Variants in SEC31B observed in about 807,000 individuals in gnomAD.
SEC31B encodes SEC31 homolog B, COPII component, also known as protein transport protein Sec31B.
In SEC31B, 113 loss-of-function variants were observed where a neutral mutation model predicts 135.0. That is an observed-to-expected ratio of 0.84 (90% CI 0.72 to 0.98). SEC31B has a LOEUF of 0.98. SEC31B is among the 50% of genes least tolerant of loss of function. The pLI is 0.00. For missense variants in SEC31B, 1,296 were observed against 1,421.1 expected (o/e 0.91, Z 1.42); for synonymous variants, 508 against 549.4 (o/e 0.92, Z 1.05).
chr10:100,511,316 G>A (rs1166916969), intron 3 of SEC31B, among the ~76,000 whole-genome samples: 2 of 152,270 alleles, frequency 1.3e-5, no homozygotes, highest in Non-Finnish European at 2.9e-5. Flanking sequence ...CACCTAGGTG[G>A]AGTTAAGTGA....
intron 20 of SEC31B, 139 bp downstream of exon 20, chr10:100,490,567 G>A: frequency 1.1e-6 from 1 of 941,834 alleles, no homozygotes; most frequent in Non-Finnish European, 1.5e-6. Flanking sequence ...GCCAGTGATA[G>A]CATTAGGAAT....
intron 11 of SEC31B, chr10:100,501,599 A>C (rs1018000968): frequency 3.9e-5 from 6 of 152,298 alleles, no homozygotes; most frequent in African/African-American, 1.4e-4. Context: ...CTTTCTTCTA[A>C]ACAATTCCAA....
In SEC31B at chr10:100,502,247, T is replaced by C. The variant is rs776850455; in HGVS notation, c.1410+7A>G. ...ACTTCTGAGCAGCTAGCCTTCAGGCTTCCCACCTTCAGGAACTGCCACAGC... is the reference window on the plus strand; with the variant it reads ...ACTTCTGAGCAGCTAGCCTTCAGGCCTCCCACCTTCAGGAACTGCCACAGC... On this transcript the variant is annotated splice_region_variant and intron_variant, in intron 11 of 25. Transcript: ENST00000370345. The C allele has an allele frequency of 1.9e-6, 3 of 1,611,672 alleles. No homozygotes were observed. Among genetic ancestry groups the C allele is most frequent in the South Asian group, 2.2e-5 (2 of 90,934 alleles).
At chr10:100,493,224 T>C (rs992100278) in intron 19 of SEC31B, among the ~76,000 whole-genome samples, 2 of 151,884 alleles carry the variant, frequency 1.3e-5, no homozygotes, top group Middle Eastern at 3.4e-3. Flanking sequence ...ATACAAAAAA[T>C]TATCCGGGCG....
intron 5 of SEC31B, among the ~76,000 whole-genome samples, 172 bp from the exon 6 acceptor site, chr10:100,508,223 T>C (rs1235239126): frequency 6.6e-6 from 1 of 152,184 alleles, no homozygotes; most frequent in African/African-American, 2.4e-5. Flanking sequence ...GAGGATCCTT[T>C]AGGGTATCAG....
At chr10:100,495,150 T>A in intron 19 of SEC31B, 1 of 486,104 alleles carries the variant, frequency 2.1e-6, no homozygotes, top group Non-Finnish European at 3.7e-6. Flanking sequence ...TTTACATATC[T>A]ATCTTTCGAC....
chr10:100,502,223 C>A, intron 11 of SEC31B, 31 bp downstream of exon 11: 2 of 1,576,452 alleles, frequency 1.3e-6, no homozygotes, highest in African/African-American at 1.3e-5. Flanking sequence ...TGGGGAGACA[C>A]TTCTGAGCAG....
chr10:100,519,794 C>T lies in SEC31B; in HGVS notation c.-58G>A, dbSNP rs1192571381. 6.6e-6 allele frequency: 1 copy of T among 152,286 alleles called. No individual in the cohort carries two copies. Among genetic ancestry groups the T allele is most frequent in the African/African-American group, 2.4e-5 (1 of 41,458 alleles). 9.4% of individuals were successfully genotyped at this position (152,286 alleles called of 1,614,324 possible). A position where few individuals can be genotyped will look rare whatever the true frequency, so the allele number is the denominator to read the frequency against. ...GGGGCGAACCAACCTGTGCGGAAGA[C>T]CCCGGACAAGGGTCAGGCGCGGCGG... On this transcript the variant is annotated 5_prime_UTR_variant, in exon 1 of 26. Transcript: ENST00000370345.
intron 25 of SEC31B, 70 bp downstream of exon 25, chr10:100,487,957 C>G: frequency 6.4e-7 from 1 of 1,559,478 alleles, no homozygotes; most frequent in Non-Finnish European, 8.8e-7. Flanking sequence ...AGAAAAGACA[C>G]TGGGCTTCCT....
At chr10:100,516,760 C>T in intron 2 of SEC31B, 114 bp downstream of exon 2, 2 of 796,196 alleles carry the variant, frequency 2.5e-6, no homozygotes, top group East Asian at 2.8e-5. Context: ...GTGAGCCACC[C>T]TATCTTTCTA....
rs1370193724 is a variant in SEC31B at position 100,508,797 on chromosome 10, G to A, written c.495+210C>T. 3.6e-5 allele frequency: 21 copies of A among 584,614 alleles called. No individual in the cohort carries two copies. In the Admixed American group the frequency reaches 3.9e-4, roughly 11 times the overall value. 36.2% of individuals were successfully genotyped at this position (584,614 alleles called of 1,614,324 possible). ...CCCAGAAACTCTTAGAACGAGTAAT[G>A]AGCACAAACCAACTACCCCATATAC... On this transcript the variant is annotated intron_variant, in intron 5 of 25. Coordinates refer to ENST00000370345, the MANE Select transcript of SEC31B (RefSeq NM_015490.4).
intron 7 of SEC31B, among the ~76,000 whole-genome samples, chr10:100,506,790 A>G (rs1312466516): frequency 6.6e-6 from 1 of 152,166 alleles, no homozygotes; most frequent in East Asian, 1.9e-4. Flanking sequence ...GAGGTAGTAA[A>G]GACCTAACCA....
Position 100,487,545 on chromosome 10 carries a change from A to C in SEC31B, c.*71T>G. 1.5e-6 allele frequency: 2 copies of C among 1,356,654 alleles called. No homozygotes were observed. Among genetic ancestry groups the C allele is most frequent in the South Asian group, 1.3e-5 (1 of 78,960 alleles). The allele number at this position is 1,356,654 out of a possible 1,614,324, so 84.0% of individuals were successfully genotyped here. A position where few individuals can be genotyped will look rare whatever the true frequency, so the allele number is the denominator to read the frequency against. ...GAAAAAGAAACAGAATCTGTTGCAG[A>C]AGTCCCCTCTTCTGCAGGGAGGAGT... On this transcript the variant is annotated 3_prime_UTR_variant, in exon 26 of 26. Coordinates refer to ENST00000370345, the MANE Select transcript of SEC31B (RefSeq NM_015490.4).
At chr10:100,500,196 G>GATGCTT (rs1291074491) in intron 11 of SEC31B, 3 of 456,642 alleles carry the variant, frequency 6.6e-6, no homozygotes, top group South Asian at 4.6e-5. Flanking sequence ...CATGACTGCT[G>GATGCTT]AAAGGGCTCC....
At position 100,490,163 on chromosome 10, in the gene SEC31B, A is replaced by G. The variant is rs149977742; in HGVS notation, c.2810T>C (p.Phe937Ser). Reference protein sequence around the residue: ...STSLPETPRLFPLLPLRPLGP... With the variant: ...STSLPETPRLSPLLPLRPLGP... ...TAGTGGTCTCAGAGGAAGCAGAGGG[A>G]ACAGTCTAGGAGTCTCAGGCAGGGA... The change falls in exon 21 of 26, where the codon TTC becomes TCC. Residue 937 changes from phenylalanine (F) to serine (S), a missense_variant. Coordinates refer to ENST00000370345, the MANE Select transcript of SEC31B (RefSeq NM_015490.4). The G allele has an allele frequency of 2.9e-5, 46 of 1,602,016 alleles. 2 individuals carry two copies. In the African/African-American group the frequency reaches 3.9e-4, roughly 14 times the overall value.
chr10:100,517,487 G>A (rs1052836671), intron 1 of SEC31B, among the ~76,000 whole-genome samples: 3 of 152,106 alleles, frequency 2.0e-5, no homozygotes, highest in Admixed American at 2.0e-4. Flanking sequence ...TCAGCCTCCC[G>A]AGTGGCTGGG....
chr10:100,507,708 G>A, intron 6 of SEC31B, 141 bp from the exon 7 acceptor site: 2 of 1,306,008 alleles, frequency 1.5e-6, no homozygotes, highest in Non-Finnish European at 2.1e-6. Flanking sequence ...CCAGGAATAA[G>A]TAAGGAATGG....
At chr10:100,495,240 T>C in intron 19 of SEC31B, 145 bp downstream of exon 19, 1 of 801,240 alleles carries the variant, frequency 1.2e-6, no homozygotes, top group Non-Finnish European at 2.0e-6. Flanking sequence ...CAATAAACAG[T>C]TATTTATTAT....
chr10:100,499,188 C>A lies in SEC31B; in HGVS notation c.1556G>T (p.Ser519Ile). Residue 519 changes from serine (S) to isoleucine (I), a missense_variant, in exon 13 of 26, where the codon AGT becomes ATT. By Grantham distance (142) the Ser-to-Ile change is moderately radical. Transcript: ENST00000370345. ...GCTGCAGAAGGCCTGTTGTCTGTCA[C>A]TGTTGAGGTCATTTCCCTTGGGCTG... is the stretch of plus-strand genomic sequence containing the variant. Reference protein sequence around the residue: ...SPQPKGNDLNSDRQQAFCSQA... With the variant: ...SPQPKGNDLNIDRQQAFCSQA... 1 of 1,614,108 alleles carries A rather than the reference C, an allele frequency of 6.2e-7. No individual in the cohort carries two copies. The highest frequency in any genetic ancestry group is 1.3e-5 in the African/African-American group (1 of 75,062).
Sources: gnomAD v4.1 joint callset for allele counts (sites outside exome capture counted in the v4.1 genomes callset) on GRCh38, gnomAD v4.1.1 for gene constraint, MANE v1.5 for transcripts, NCBI Gene and HGNC (gene_info 2026-07-23, HGNC 2026-07-21) for gene names.